Variants in CCDC30 observed in about 807,000 individuals in gnomAD.
CCDC30 encodes coiled-coil domain containing 30, also known as coiled-coil domain-containing protein 30.
In CCDC30, 70 loss-of-function variants were observed where a neutral mutation model predicts 100.2. The ratio of observed to expected loss-of-function variants is 0.70; its 90% CI spans 0.58 to 0.85. The LOEUF (loss-of-function observed/expected upper bound fraction) is 0.85, where lower values mean the gene tolerates loss of function less well. Among genes scored for constraint, CCDC30 ranks in the 40% least tolerant of loss-of-function variants. CCDC30 has a pLI of 0.00. For missense variants in CCDC30, 652 were observed against 771.2 expected (o/e 0.85, Z 1.83); for synonymous variants, 233 against 269.5 (o/e 0.86, Z 1.33).
chr1:42,549,630 T>C (rs1489237202), intron 6 of CCDC30, among the ~76,000 whole-genome samples: 1 of 152,192 alleles, frequency 6.6e-6, no homozygotes, highest in African/African-American at 2.4e-5. Context: ...GACTCTCTTG[T>C]TCTTGACTAT....
At chr1:42,467,150 G>A (rs918250315) in intron 1 of CCDC30, among the ~76,000 whole-genome samples, 5 of 152,154 alleles carry the variant, frequency 3.3e-5, no homozygotes, top group Admixed American at 6.5e-5. Context: ...AGGCTAGAGA[G>A]ACTGGGAGGA....
Position 42,586,373 on chromosome 1 carries a change from C to G in CCDC30, c.1002-2948C>G, listed in dbSNP as rs117862743. On this transcript the variant is annotated intron_variant, in intron 9 of 16. Transcript: ENST00000668663. ...CCAGGCTGGAATACAGTGGCACAAT[C>G]ATGACTCACTGCAGCCCTGAACTCC... 7.1e-4 allele frequency among the ~76,000 whole-genome samples: 108 copies of G among 152,210 alleles called. No homozygotes were observed. The East Asian group carries it at 0.02, about 28-fold the overall frequency.
intron 6 of CCDC30, chr1:42,556,204 A>G (rs761993605): frequency 1.9e-6 from 3 of 1,614,140 alleles, no homozygotes; most frequent in Non-Finnish European, 1.7e-6. Flanking sequence ...AGGAGTCAGT[A>G]AAGGAGGGCA....
rs201004242 is a variant in CCDC30 at position 42,566,322 on chromosome 1, A to G, written c.483A>G (p.Lys161=). The G allele has an allele frequency of 5.6e-6, 9 of 1,613,748 alleles. No homozygotes were observed. In the South Asian group the frequency reaches 9.9e-5, roughly 18 times the overall value. Residue 161 remains lysine (K), a synonymous_variant, in exon 7 of 17, where the codon AAA becomes AAG. Transcript: ENST00000668663. ...ATCCATCATCTGGAGAAAAACTAAA[A>G]TACAACCAGCAAGGGGAAGTACAAC...
intron 6 of CCDC30, among the ~76,000 whole-genome samples, chr1:42,529,155 A>G (rs1644769954): frequency 6.6e-6 from 1 of 152,220 alleles, no homozygotes; most frequent in Admixed American, 6.5e-5. Flanking sequence ...TTCTTTTTAA[A>G]GATGTTAGCA....
At chr1:42,456,542 C>T in the CCDC30 span, 1 of 1,447,434 alleles carries the variant, frequency 6.9e-7, no homozygotes, top group Non-Finnish European at 9.1e-7. Flanking sequence ...GAAACGTGCG[C>T]AGGCGCCGGC....
intron 3 of CCDC30, among the ~76,000 whole-genome samples, chr1:42,485,606 C>T (rs187722387): frequency 2.6e-4 from 40 of 152,028 alleles, no homozygotes; most frequent in African/African-American, 7.0e-4. Context: ...CTGTAGTAGG[C>T]GATGATTGTT....
chr1:42,528,298 A>G (rs1301935604), intron 6 of CCDC30, among the ~76,000 whole-genome samples: 3 of 152,252 alleles, frequency 2.0e-5, no homozygotes, highest in African/African-American at 7.2e-5. Flanking sequence ...AGAATGGCTT[A>G]AACTCTGACT....
chr1:42,613,763 TTGGTTTTGGC>T (rs1040444734), intron 11 of CCDC30, among the ~76,000 whole-genome samples: 4 of 152,178 alleles, frequency 2.6e-5, no homozygotes, highest in African/African-American at 9.7e-5. Flanking sequence ...CATTGCCATA[TTGGTTTTGGC>T]TGGTTTTGGC....
At chr1:42,537,037 A>T (rs1475807619) in intron 6 of CCDC30, 4 of 367,032 alleles carry the variant, frequency 1.1e-5, no homozygotes, top group Non-Finnish European at 2.1e-5. Flanking sequence ...CAACAATATG[A>T]ATAGGGAGGG....
intron 6 of CCDC30, among the ~76,000 whole-genome samples, chr1:42,546,314 G>C (rs572834908): frequency 1.2e-3 from 173 of 149,200 alleles, no homozygotes; most frequent in African/African-American, 4.2e-3. Context: ...GAACCCAGAA[G>C]GTGGAGGTTG....
rs1005078031 is a variant in CCDC30 at position 42,596,914 on chromosome 1, G to C, written c.1164+7431G>C. ...CCACATGCAGGAAGAGATGGGCAAT[G>C]CAAGCAGAGAGAGGGAAATCCTAAG... On this transcript the variant is annotated intron_variant, in intron 10 of 16. Transcript: ENST00000668663. This position sits in a 1 kb window ranked among gnomAD's most constrained non-coding sequence, Gnocchi z 4.3. 6.6e-6 allele frequency among the ~76,000 whole-genome samples: 1 copy of C among 152,086 alleles called. No homozygotes were observed. Among genetic ancestry groups the C allele is most frequent in the Non-Finnish European group, 1.5e-5 (1 of 68,026 alleles).
chr1:42,565,033 C>G (rs1264567097), intron 6 of CCDC30, among the ~76,000 whole-genome samples: 1 of 152,134 alleles, frequency 6.6e-6, no homozygotes, highest in Non-Finnish European at 1.5e-5. Context: ...TTTTTAAAGG[C>G]TGAACAGTTT....
At chr1:42,457,359 C>T in the CCDC30 span, 7 of 1,606,256 alleles carry the variant, frequency 4.4e-6, no homozygotes, top group East Asian at 1.1e-4. Context: ...AGGTGATGGG[C>T]GCTTCTCTTC....
intron 10 of CCDC30, among the ~76,000 whole-genome samples, chr1:42,603,405 C>T (rs1163751255): frequency 6.6e-6 from 1 of 152,116 alleles, no homozygotes; most frequent in Non-Finnish European, 1.5e-5. Context: ...AGTTATGTTT[C>T]AATAGGAATT....
At chr1:42,648,524 G>T (rs1648073836) in intron 15 of CCDC30, among the ~76,000 whole-genome samples, 1 of 152,042 alleles carries the variant, frequency 6.6e-6, no homozygotes, top group Admixed American at 6.6e-5. Context: ...CAAAAAATTA[G>T]CTGGGCGTGG....
intron 7 of CCDC30, among the ~76,000 whole-genome samples, chr1:42,572,963 T>G (rs1166553522): frequency 1.3e-5 from 2 of 152,214 alleles, no homozygotes; most frequent in Non-Finnish European, 2.9e-5. Context: ...CATTATTCTA[T>G]TTGTCTGCCC....
At chr1:42,634,101 A>T (rs1647096621) in intron 11 of CCDC30, among the ~76,000 whole-genome samples, 1 of 152,020 alleles carries the variant, frequency 6.6e-6, no homozygotes, top group Non-Finnish European at 1.5e-5. Flanking sequence ...ATACATGGGG[A>T]TTATGGGAAC....
At chr1:42,543,155 A>G (rs992826247) in intron 6 of CCDC30, among the ~76,000 whole-genome samples, 2 of 151,754 alleles carry the variant, frequency 1.3e-5, no homozygotes, top group African/African-American at 4.8e-5. Context: ...TTGTATTTTT[A>G]GTAGAGACGG....
Sources: gnomAD v4.1 joint callset for allele counts (sites outside exome capture counted in the v4.1 genomes callset) on GRCh38, gnomAD v4.1.1 for gene constraint, Gnocchi (gnomAD v3.1) non-coding constraint, MANE v1.5 for transcripts, NCBI Gene and HGNC (gene_info 2026-07-23, HGNC 2026-07-21) for gene names.